The following USH2A variants were observed in gnomAD, a reference collection of about 807,000 sequenced individuals.
USH2A encodes usherin, also known as Usher syndrome 2A (autosomal recessive, mild).
A neutral mutation model predicts 538.9 loss-of-function variants in USH2A; 443 were observed. The ratio of observed to expected loss-of-function variants is 0.82; its 90% confidence interval spans 0.76 to 0.89. The LOEUF is 0.89. Ranked by LOEUF, USH2A falls within the 40% of genes least tolerant of loss-of-function variation. The probability of loss-of-function intolerance (pLI) is 0.00; values close to 1 mark genes in which losing one functional copy is unlikely to be tolerated. For missense variants in USH2A, 6,633 were observed against 6,324.8 expected, an observed-to-expected ratio of 1.05 and a Z score of -1.65; for synonymous variants, 2,413 against 2,273.5, an observed-to-expected ratio of 1.06 and a Z score of -1.75.
At position 216,059,675 on chromosome 1, in the gene USH2A, T is replaced by C. The variant is rs563550391; in HGVS notation, c.6049+10426A>G. Among the ~76,000 whole-genome samples the C allele has an allele frequency of 6.6e-5, 10 of 152,366 alleles. No homozygotes were observed. In the South Asian group the frequency reaches 8.3e-4, roughly 13 times the overall value. ...AGGCTCTACCAAGACATTGCAATGA[T>C]AATTCCTACATTGAATTATACTGCT... On this transcript the variant is annotated intron_variant, in intron 30 of 71. Coordinates refer to ENST00000307340, the MANE Select transcript of USH2A (RefSeq NM_206933.4).
At chr1:215,896,024 C>A (rs1446875013) in intron 40 of USH2A, among the ~76,000 whole-genome samples, 1 of 152,114 alleles carries the variant, frequency 6.6e-6, no homozygotes, top group African/African-American at 2.4e-5. Flanking sequence ...ATGGGTCCAC[C>A]GTCATATATG....
chr1:215,810,561 A>G (rs1558108794), intron 49 of USH2A, among the ~76,000 whole-genome samples: 1 of 152,170 alleles, frequency 6.6e-6, no homozygotes, highest in Non-Finnish European at 1.5e-5. Context: ...TGAAAACACT[A>G]TTACTTAGTT....
At chr1:216,242,732 T>C (rs1258957517) in intron 13 of USH2A, among the ~76,000 whole-genome samples, 1 of 152,126 alleles carries the variant, frequency 6.6e-6, no homozygotes, top group Non-Finnish European at 1.5e-5. Context: ...TAAACACTGA[T>C]ATAAAAGTGC....
chr1:216,398,234 A>G (rs2039248614), intron 3 of USH2A, among the ~76,000 whole-genome samples: 1 of 152,174 alleles, frequency 6.6e-6, no homozygotes, highest in Non-Finnish European at 1.5e-5. Context: ...CTATAATTAA[A>G]AAGCCCTGAA....
intron 14 of USH2A, among the ~76,000 whole-genome samples, chr1:216,219,371 C>T (rs2035408539): frequency 6.6e-6 from 1 of 151,902 alleles, no homozygotes; most frequent in South Asian, 2.1e-4. Flanking sequence ...TGTTTTTACC[C>T]CAAAGGACAC....
intron 66 of USH2A, 95 bp downstream of exon 66, chr1:215,648,433 G>C (rs1300142718): frequency 9.1e-6 from 12 of 1,322,262 alleles, no homozygotes; most frequent in Non-Finnish European, 1.3e-5. Flanking sequence ...AGCTATACAG[G>C]TTTGTAGCCT....
intron 58 of USH2A, among the ~76,000 whole-genome samples, chr1:215,754,762 C>G (rs559979818): frequency 6.6e-6 from 1 of 152,174 alleles, no homozygotes; most frequent in East Asian, 1.9e-4. Context: ...GTTGGATAAG[C>G]TTGCTTTAGA....
intron 31 of USH2A, among the ~76,000 whole-genome samples, chr1:216,046,845 C>T (rs1202794539): frequency 1.3e-5 from 2 of 152,098 alleles, no homozygotes; most frequent in African/African-American, 4.8e-5. Context: ...TGTTACTCCA[C>T]CAAAAGTACT....
intron 55 of USH2A, among the ~76,000 whole-genome samples, chr1:215,768,286 A>G (rs1293944396): frequency 6.6e-6 from 1 of 152,192 alleles, no homozygotes; most frequent in African/African-American, 2.4e-5. Flanking sequence ...TGAAAGAACA[A>G]CAACTTTGTT....
rs1322619489 is a variant in USH2A at position 216,231,248 on chromosome 1, A to T, written c.2993+705T>A. 1.1e-3 allele frequency among the ~76,000 whole-genome samples: 59 copies of T among 54,572 alleles called. 8 individuals are homozygous for T. The highest frequency in any genetic ancestry group is 8.2e-3 in the East Asian group (19 of 2,314). The allele number at this position is 54,572 out of a possible 152,430, so 35.8% of individuals were successfully genotyped here. A position where few individuals can be genotyped will look rare whatever the true frequency, so the allele number is the denominator to read the frequency against. On this transcript the variant is annotated intron_variant, in intron 14 of 71. Coordinates refer to ENST00000307340, the MANE Select transcript of USH2A (RefSeq NM_206933.4). ...ACATATATCCCATATATATATATAT[A>T]TTATATATATAATATATATATATAA... is the stretch of plus-strand genomic sequence containing the variant.
intron 38 of USH2A, among the ~76,000 whole-genome samples, chr1:215,908,288 AATG>A (rs1292213831): frequency 2.0e-5 from 3 of 151,986 alleles, no homozygotes; most frequent in Non-Finnish European, 4.4e-5. Flanking sequence ...AAACCAAGGT[AATG>A]ATAACATAAA....
intron 21 of USH2A, among the ~76,000 whole-genome samples, chr1:216,103,727 T>C (rs1041665442): frequency 3.3e-5 from 5 of 152,030 alleles, no homozygotes; most frequent in African/African-American, 1.2e-4. Flanking sequence ...AGCAACCCAA[T>C]AGAAAATGAG....
intron 61 of USH2A, 32 bp downstream of exon 61, chr1:215,727,998 T>C: frequency 5.0e-6 from 8 of 1,603,408 alleles, no homozygotes; most frequent in Non-Finnish European, 6.8e-6. Flanking sequence ...CCAGATAATC[T>C]GCATGTCTGT....
intron 3 of USH2A, among the ~76,000 whole-genome samples, chr1:216,398,515 T>G (rs2039254466): frequency 6.6e-6 from 1 of 150,468 alleles, no homozygotes; most frequent in African/African-American, 2.5e-5. Flanking sequence ...TTAGCCAAAC[T>G]CCAATGGAAA....
intron 11 of USH2A, among the ~76,000 whole-genome samples, chr1:216,286,027 A>T (rs2036876604): frequency 6.6e-6 from 1 of 152,086 alleles, no homozygotes; most frequent in Non-Finnish European, 1.5e-5. Context: ...GAGACTTTGG[A>T]CTTGAACTTT....
chr1:216,247,953 A>G (rs1312131423), intron 12 of USH2A, among the ~76,000 whole-genome samples: 2 of 152,154 alleles, frequency 1.3e-5, no homozygotes, highest in Non-Finnish European at 2.9e-5. Context: ...GCTGATAACT[A>G]TTTTTGTGAA....
chr1:216,061,494 T>A (rs536960045), intron 30 of USH2A, among the ~76,000 whole-genome samples: 2 of 152,328 alleles, frequency 1.3e-5, no homozygotes, highest in Admixed American at 6.5e-5. Context: ...GGATAAAATT[T>A]AAATGTGATC....
intron 9 of USH2A, among the ~76,000 whole-genome samples, chr1:216,299,044 A>G (rs1558373166): frequency 6.6e-6 from 1 of 151,956 alleles, no homozygotes; most frequent in Non-Finnish European, 1.5e-5. Flanking sequence ...GGGTTTCACC[A>G]TGTTAGCCAG....
At chr1:215,774,271 G>A (rs1661392156) in intron 55 of USH2A, among the ~76,000 whole-genome samples, 2 of 151,992 alleles carry the variant, frequency 1.3e-5, no homozygotes, top group Middle Eastern at 3.4e-3. Flanking sequence ...TTGAAATTCT[G>A]GGCCATAGCT....
Sources: gnomAD v4.1 joint callset for allele counts (sites outside exome capture counted in the v4.1 genomes callset) on GRCh38, gnomAD v4.1.1 for gene constraint, MANE v1.5 for transcripts, NCBI Gene and HGNC (gene_info 2026-07-23, HGNC 2026-07-21) for gene names.